The following KCNK13 variants were observed in gnomAD, a reference collection of about 807,000 sequenced individuals.
KCNK13 encodes potassium two pore domain channel subfamily K member 13, also known as potassium channel subfamily K member 13.
In KCNK13, 12 loss-of-function variants were observed where a neutral mutation model predicts 23.4. That is an observed-to-expected ratio of 0.51 (90% CI 0.33 to 0.83). The LOEUF (loss-of-function observed/expected upper bound fraction) is 0.83, where lower values mean the gene tolerates loss of function less well. KCNK13 is among the 40% of genes least tolerant of loss of function. The probability of loss-of-function intolerance (pLI) is 0.02; values close to 1 mark genes in which losing one functional copy is unlikely to be tolerated. For synonymous variants in KCNK13, 231 were observed against 229.5 expected (o/e 1.01, Z -0.06); for missense variants, 463 against 556.3 (o/e 0.83, Z 1.69).
At chr14:90,129,068 A>G (rs754958576) in intron 1 of KCNK13, among the ~76,000 whole-genome samples, 1 of 152,102 alleles carries the variant, frequency 6.6e-6, no homozygotes, top group Non-Finnish European at 1.5e-5. Context: ...GTATTGCTTC[A>G]CTTTTGACTT....
chr14:90,176,912 C>T (rs750590701), intron 1 of KCNK13, among the ~76,000 whole-genome samples: 4 of 152,100 alleles, frequency 2.6e-5, no homozygotes, highest in East Asian at 1.9e-4. Flanking sequence ...CCCAGCTACT[C>T]GGGAGGATGA....
intron 1 of KCNK13, among the ~76,000 whole-genome samples, chr14:90,065,062 C>T (rs1888992271): frequency 6.6e-6 from 1 of 152,142 alleles, no homozygotes; most frequent in African/African-American, 2.4e-5. Flanking sequence ...TAATATCATC[C>T]AAATTAACCA....
Position 90,184,204 on chromosome 14 carries a change from A to G in KCNK13, c.428A>G (p.Asn143Ser), listed in dbSNP as rs34270669. 2.2e-3 allele frequency: 3,522 copies of G among 1,614,016 alleles called. 74 individuals carry two copies. In the African/African-American group the frequency reaches 0.043, roughly 20 times the overall value. Reference sequence around the variant, plus strand: ...TGTTCCAGCACCATCTTGTTCTTCAACCTCTTCCTGGAGCGCCTGATCACC... The same window carrying G: ...TGTTCCAGCACCATCTTGTTCTTCAGCCTCTTCCTGGAGCGCCTGATCACC... ...VGCSSTILFF[N>S]LFLERLITII... The change falls in exon 2 of 2, where the codon AAC (asparagine) becomes AGC (serine). Residue 143 changes from asparagine (N) to serine (S), a missense_variant. Coordinates refer to ENST00000282146, the MANE Select transcript of KCNK13 (RefSeq NM_022054.4). This position sits in a 1 kb window ranked among gnomAD's most constrained non-coding sequence, Gnocchi z 5.6.
In KCNK13 at chr14:90,184,303, T is replaced by C; in HGVS notation, c.527T>C (p.Leu176Pro). ...CGAGGGGCCCTGCCCCAGGAGAGCC[T>C]GAAGGATGCGGGGCAGTGTGAGGTG... ...RRRGALPQES[L>P]KDAGQCEVDS... The change falls in exon 2 of 2, where the codon CTG (leucine) becomes CCG (proline). Residue 176 changes from leucine (L) to proline (P), a missense_variant. Transcript: ENST00000282146. The surrounding 1 kb of genome is among the most constrained non-coding windows in gnomAD (Gnocchi z 5.6). 1 of 1,614,234 alleles carries C rather than the reference T, an allele frequency of 6.2e-7. No individual in the cohort carries two copies. Among genetic ancestry groups the C allele is most frequent in the South Asian group, 1.1e-5 (1 of 91,080 alleles).
intron 1 of KCNK13, among the ~76,000 whole-genome samples, chr14:90,156,793 T>C (rs558100126): frequency 3.9e-5 from 6 of 152,290 alleles, no homozygotes; most frequent in Middle Eastern, 3.4e-3. Context: ...TGTGAGTCCC[T>C]GCTTTTCCCC....
At chr14:90,141,000 G>A (rs948542292) in intron 1 of KCNK13, among the ~76,000 whole-genome samples, 10 of 152,172 alleles carry the variant, frequency 6.6e-5, no homozygotes, top group African/African-American at 2.2e-4. Flanking sequence ...TACCCATAGC[G>A]AATGAGAAGG....
chr14:90,063,298 T>C (rs1888968411), intron 1 of KCNK13, among the ~76,000 whole-genome samples: 1 of 152,058 alleles, frequency 6.6e-6, no homozygotes, highest in Admixed American at 6.5e-5. Context: ...ACTGACAGAC[T>C]GAGGAGCTGG....
intron 1 of KCNK13, among the ~76,000 whole-genome samples, chr14:90,178,491 T>C (rs1890449636): frequency 6.6e-6 from 1 of 151,710 alleles, no homozygotes; most frequent in African/African-American, 2.4e-5. Context: ...GGTTTCTTCA[T>C]GTTGGTCAGG....
intron 1 of KCNK13, among the ~76,000 whole-genome samples, chr14:90,104,489 C>G (rs1654256673): frequency 6.6e-6 from 1 of 152,170 alleles, no homozygotes; most frequent in African/African-American, 2.4e-5. Flanking sequence ...ACACCTTGTC[C>G]CTGTCACACA....
At chr14:90,079,764 C>A (rs1889185103) in intron 1 of KCNK13, among the ~76,000 whole-genome samples, 2 of 152,164 alleles carry the variant, frequency 1.3e-5, no homozygotes, top group Admixed American at 1.3e-4. Flanking sequence ...GAAAGCAGTA[C>A]CCAGGAACTC....
chr14:90,126,339 G>A (rs1889799337), intron 1 of KCNK13, among the ~76,000 whole-genome samples: 1 of 152,122 alleles, frequency 6.6e-6, no homozygotes, highest in African/African-American at 2.4e-5. Flanking sequence ...GTCTAACTTT[G>A]CAGTGGAAAA....
chr14:90,172,256 G>T (rs553997721), intron 1 of KCNK13, among the ~76,000 whole-genome samples: 13 of 151,192 alleles, frequency 8.6e-5, no homozygotes, highest in Non-Finnish European at 1.9e-4. Context: ...GGTGGAGGTT[G>T]CAGTGAGCCG....
intron 1 of KCNK13, among the ~76,000 whole-genome samples, chr14:90,098,483 G>A (rs932143569): frequency 6.6e-6 from 1 of 152,182 alleles, no homozygotes; most frequent in East Asian, 1.9e-4. Flanking sequence ...AGTGGCTCAC[G>A]CCTGTAATCC....
chr14:90,143,878 G>GA (rs1491238943), intron 1 of KCNK13, among the ~76,000 whole-genome samples: 3 of 152,224 alleles, frequency 2.0e-5, no homozygotes, highest in African/African-American at 7.2e-5. Context: ...ACACTAGACT[G>GA]AGACTCAGCT....
At chr14:90,085,776 A>G (rs1889266118) in intron 1 of KCNK13, among the ~76,000 whole-genome samples, 1 of 107,388 alleles carries the variant, frequency 9.3e-6, no homozygotes, top group Non-Finnish European at 1.9e-5. Context: ...TAAATTATAT[A>G]TATTATATAT....
At chr14:90,104,788 TTTC>T in intron 1 of KCNK13, among the ~76,000 whole-genome samples, 1 of 127,698 alleles carries the variant, frequency 7.8e-6, no homozygotes, top group Non-Finnish European at 1.6e-5. Flanking sequence ...TTTCTTTTCT[TTTC>T]TTTTTTTTTT....
chr14:90,176,972 A>G (rs1890429006), intron 1 of KCNK13, among the ~76,000 whole-genome samples: 3 of 152,298 alleles, frequency 2.0e-5, no homozygotes, highest in Middle Eastern at 6.8e-3. Flanking sequence ...GTGAGCCAAG[A>G]TCACACCACT....
At chr14:90,139,096 A>T (rs534199822) in intron 1 of KCNK13, among the ~76,000 whole-genome samples, 1 of 152,370 alleles carries the variant, frequency 6.6e-6, no homozygotes, top group South Asian at 2.1e-4. Flanking sequence ...TCAGACATCC[A>T]GTTAGCACTG....
chr14:90,071,080 A>T (rs200233989), intron 1 of KCNK13, among the ~76,000 whole-genome samples: 9 of 152,176 alleles, frequency 5.9e-5, no homozygotes, highest in Non-Finnish European at 1.3e-4. Flanking sequence ...AGCCCATTGC[A>T]TTAGAAATTC....
Sources: allele counts gnomAD v4.1 joint callset (sites outside exome capture counted in the v4.1 genomes callset), GRCh38; gene constraint gnomAD v4.1.1; non-coding constraint Gnocchi (gnomAD v3.1); transcripts MANE v1.5; gene names NCBI Gene and HGNC (gene_info 2026-07-23, HGNC 2026-07-21).